Variants in PPM1D observed in about 807,000 individuals in gnomAD.
The protein encoded by PPM1D is protein phosphatase, Mg2+/Mn2+ dependent 1D.
A neutral mutation model predicts 58.3 loss-of-function variants in PPM1D; 52 were observed. That is an observed-to-expected ratio of 0.89 (90% CI 0.71 to 1.12). The LOEUF (loss-of-function observed/expected upper bound fraction) is 1.12. Ranked by LOEUF, PPM1D falls within the 50% of genes most tolerant of loss-of-function variation. The pLI is 0.00. For synonymous variants in PPM1D, 278 were observed against 285.1 expected, an observed-to-expected ratio of 0.98 and a Z score of 0.25; for missense variants, 564 against 777.2, an observed-to-expected ratio of 0.73 and a Z score of 3.26.
intron 4 of PPM1D, among the ~76,000 whole-genome samples, chr17:60,655,708 CTT>C (rs112651974): frequency 1.4e-5 from 2 of 142,318 alleles, no homozygotes; most frequent in Non-Finnish European, 3.1e-5. Context: ...TTCTTTCTTT[CTT>C]TTTTTTTTTT....
chr17:60,640,815 AATTGGAAATTTCTTTT>A (rs1176062093), intron 3 of PPM1D, among the ~76,000 whole-genome samples: 1 of 151,694 alleles, frequency 6.6e-6, no homozygotes, highest in Admixed American at 6.6e-5. Context: ...TCCTAAAAGA[AATTGGAAATTTCTTTT>A]ATTTAGAAAT....
rs199612954 is a variant in PPM1D, at chr17:60,663,521, A to G, written c.1787A>G (p.His596Arg). The G allele has an allele frequency of 1.6e-5, 26 of 1,611,024 alleles. No individual in the cohort carries two copies. The East Asian group carries it at 4.7e-4, about 29-fold the overall frequency. Residue 596 changes from histidine to arginine, a missense_variant, in exon 6 of 6, where the codon CAT becomes CGT. This residue lies in a region of PPM1D where 261 missense variants were observed against 270.1 expected (regional missense o/e 0.97). Transcript: ENST00000305921. ...AAGAAAATTGGAAATCCTTTACTTCATCAACACAGGAAAACTGTTTGTGTT... is the reference window on the plus strand; with the variant it reads ...AAGAAAATTGGAAATCCTTTACTTCGTCAACACAGGAAAACTGTTTGTGTT... ...GQKKIGNPLLHQHRKTVCVC is the reference protein window; with the variant it reads ...GQKKIGNPLLRQHRKTVCVC
intron 3 of PPM1D, among the ~76,000 whole-genome samples, chr17:60,640,316 A>AC (rs1370196126): frequency 1.3e-5 from 2 of 152,162 alleles, no homozygotes; most frequent in Non-Finnish European, 2.9e-5. Flanking sequence ...AGAAAAAACA[A>AC]AAGAATTGTG....
chr17:60,627,404 GC>G (rs2030831383), intron 2 of PPM1D, among the ~76,000 whole-genome samples: 1 of 151,832 alleles, frequency 6.6e-6, no homozygotes, highest in Admixed American at 6.6e-5. Context: ...GTGCCAACAT[GC>G]CAGCTAATTT....
intron 1 of PPM1D, among the ~76,000 whole-genome samples, chr17:60,612,191 T>C (rs2030472208): frequency 6.6e-6 from 1 of 152,218 alleles, no homozygotes; most frequent in African/African-American, 2.4e-5. Flanking sequence ...AAAAGTTTCC[T>C]TGTGACCATT....
intron 2 of PPM1D, among the ~76,000 whole-genome samples, chr17:60,624,793 GAAA>G (rs1199263431): frequency 1.3e-5 from 2 of 148,878 alleles, no homozygotes; most frequent in Non-Finnish European, 3.0e-5. Context: ...TCTCAAAAAA[GAAA>G]AAAGAATTAG....
chr17:60,618,933 T>G (rs1304987587), intron 1 of PPM1D, among the ~76,000 whole-genome samples: 1 of 152,220 alleles, frequency 6.6e-6, no homozygotes. Flanking sequence ...TCAGCAAATT[T>G]CAAGTATACA....
At chr17:60,634,178 A>T (rs2030980179) in intron 3 of PPM1D, among the ~76,000 whole-genome samples, 1 of 152,192 alleles carries the variant, frequency 6.6e-6, no homozygotes. Flanking sequence ...TGGGAGGCTG[A>T]GGTGGGCGGA....
intron 1 of PPM1D, among the ~76,000 whole-genome samples, chr17:60,603,687 C>T (rs1341778503): frequency 3.3e-5 from 5 of 152,184 alleles, no homozygotes; most frequent in Admixed American, 3.3e-4. Context: ...TTGCTTGAAC[C>T]CGCGAGGCGG....
chr17:60,638,786 T>G (rs1001685438), intron 3 of PPM1D, among the ~76,000 whole-genome samples: 2 of 152,206 alleles, frequency 1.3e-5, no homozygotes, highest in Non-Finnish European at 2.9e-5. Flanking sequence ...CACACACCCT[T>G]ATGGTTTACG....
intron 5 of PPM1D, chr17:60,657,130 T>G (rs1373417220): frequency 1.7e-6 from 2 of 1,190,026 alleles, no homozygotes; most frequent in East Asian, 8.7e-5. Context: ...GTGAAGCACT[T>G]AAATATATTT....
At chr17:60,654,488 A>G (rs1230253108) in intron 4 of PPM1D, among the ~76,000 whole-genome samples, 1 of 142,106 alleles carries the variant, frequency 7.0e-6, no homozygotes, top group Non-Finnish European at 1.6e-5. Flanking sequence ...TGGGTGACAG[A>G]GTGAGACCCT....
At chr17:60,662,967 T>A (rs369428583) in intron 5 of PPM1D, 28 bp from the exon 6 acceptor site, 17 of 1,556,988 alleles carry the variant, frequency 1.1e-5, no homozygotes, top group Non-Finnish European at 1.5e-5. Context: ...AAATTTTTTC[T>A]TATTTGTTTT....
At chr17:60,659,950 G>A (rs914317374) in intron 5 of PPM1D, among the ~76,000 whole-genome samples, 5 of 152,102 alleles carry the variant, frequency 3.3e-5, no homozygotes, top group African/African-American at 9.7e-5. Context: ...GGTGGCTCAC[G>A]CCTGTAATCC....
chr17:60,637,981 A>T (rs1313135357), intron 3 of PPM1D, among the ~76,000 whole-genome samples: 2 of 152,138 alleles, frequency 1.3e-5, no homozygotes, highest in Non-Finnish European at 2.9e-5. Context: ...GGGATTTAGG[A>T]ATGTGGAGGT....
chr17:60,618,341 A>G (rs553149800), intron 1 of PPM1D, among the ~76,000 whole-genome samples: 4 of 152,320 alleles, frequency 2.6e-5, no homozygotes, highest in African/African-American at 4.8e-5. Flanking sequence ...AAGAGTATAC[A>G]TATCTTTACC....
chr17:60,605,399 A>G (rs114732908), intron 1 of PPM1D, among the ~76,000 whole-genome samples: 1,883 of 152,278 alleles, frequency 0.012, 37 homozygotes, highest in African/African-American at 0.043. Context: ...TGTCAGCTAA[A>G]TCTTGAGGTC....
At chr17:60,608,235 A>C (rs2030374438) in intron 1 of PPM1D, among the ~76,000 whole-genome samples, 1 of 152,260 alleles carries the variant, frequency 6.6e-6, no homozygotes, top group African/African-American at 2.4e-5. Context: ...GAGAAATAGA[A>C]GCAATTTAAA....
chr17:60,635,122 T>A (rs2030998919), intron 3 of PPM1D, among the ~76,000 whole-genome samples: 1 of 152,178 alleles, frequency 6.6e-6, no homozygotes, highest in African/African-American at 2.4e-5. Flanking sequence ...CTAATTTTCT[T>A]CTTTCACACC....
Sources: gnomAD v4.1 joint callset for allele counts (sites outside exome capture counted in the v4.1 genomes callset) on GRCh38, gnomAD v4.1.1 for gene constraint, gnomAD v4.1.1 regional missense constraint, MANE v1.5 for transcripts, NCBI Gene and HGNC (gene_info 2026-07-23, HGNC 2026-07-21) for gene names.